LARS2: variants seen among roughly 807,000 people sequenced by gnomAD.
The protein encoded by LARS2 is leucine--tRNA ligase, mitochondrial.
In LARS2, 81 loss-of-function variants were observed where a neutral mutation model predicts 116.6. That is an observed-to-expected ratio of 0.69 (90% CI 0.58 to 0.84). LARS2 has a LOEUF of 0.84. Among genes scored for constraint, LARS2 ranks in the 40% least tolerant of loss-of-function variants. The pLI is 0.00. For synonymous variants in LARS2, 396 were observed against 407.2 expected, an observed-to-expected ratio of 0.97 and a Z score of 0.33; for missense variants, 968 against 1,114.5, an observed-to-expected ratio of 0.87 and a Z score of 1.87.
At chr3:45,430,000 C>A (rs1698666214) in intron 6 of LARS2, among the ~76,000 whole-genome samples, 1 of 74,326 alleles carries the variant, frequency 1.3e-5, no homozygotes, top group Non-Finnish European at 2.9e-5. Context: ...CCATGCCCAG[C>A]CTCTTTTTTT....
At chr3:45,389,843 C>T (rs1486188465) in intron 1 of LARS2, among the ~76,000 whole-genome samples, 4 of 152,178 alleles carry the variant, frequency 2.6e-5, no homozygotes, top group Admixed American at 2.0e-4. Context: ...GGCAGTCCAT[C>T]AGGGCTTTGG....
chr3:45,426,953 T>C (rs7631388), intron 6 of LARS2, among the ~76,000 whole-genome samples: 135,806 of 151,930 alleles, frequency 0.89, 62,632 homozygotes, highest in East Asian at 1. Context: ...AGGATCTTGG[T>C]TCGTCTTGGA....
intron 7 of LARS2, among the ~76,000 whole-genome samples, chr3:45,455,823 T>C (rs893236852): frequency 1.3e-5 from 2 of 151,972 alleles, no homozygotes; most frequent in Non-Finnish European, 2.9e-5. Flanking sequence ...CAAAAAACAA[T>C]AAAATTCTGT....
At chr3:45,462,384 A>T (rs183528683) in intron 8 of LARS2, among the ~76,000 whole-genome samples, 42 of 151,280 alleles carry the variant, frequency 2.8e-4, no homozygotes, top group Admixed American at 2.5e-3. Flanking sequence ...GGAGTTCAAG[A>T]CCAGCTTAGG....
At position 45,426,004 on chromosome 3, in the gene LARS2, T is replaced by C. The variant is rs553911874; in HGVS notation, c.516+6275T>C. Among the ~76,000 whole-genome samples, 79 of 152,040 alleles carry C rather than the reference T, an allele frequency of 5.2e-4. 2 individuals are homozygous for C. The South Asian group carries it at 1.0e-2, about 19-fold the overall frequency. On this transcript the variant is annotated intron_variant, in intron 6 of 21. Coordinates refer to ENST00000645846, the MANE Select transcript of LARS2 (RefSeq NM_015340.4). Reference sequence around the variant, plus strand: ...CCACTGTCATGTTGTTACAGTAGTTTAGGAGCAGTGCTCTCTTTCCATCCA... The same window carrying C: ...CCACTGTCATGTTGTTACAGTAGTTCAGGAGCAGTGCTCTCTTTCCATCCA...
chr3:45,430,029 T>TTTTTTTTA (rs1553629354), intron 6 of LARS2, among the ~76,000 whole-genome samples: 1 of 138,850 alleles, frequency 7.2e-6, no homozygotes, highest in African/African-American at 2.8e-5. Flanking sequence ...TTTTTTTTTT[T>TTTTTTTTA]GAGACAGAGT....
chr3:45,463,375 A>G (rs993179423), intron 8 of LARS2, among the ~76,000 whole-genome samples: 1 of 152,206 alleles, frequency 6.6e-6, no homozygotes, highest in East Asian at 1.9e-4. Context: ...GTCAACCCCC[A>G]TACCAAATTG....
At chr3:45,543,573 C>T (rs1700830513) in intron 21 of LARS2, among the ~76,000 whole-genome samples, 1 of 151,742 alleles carries the variant, frequency 6.6e-6, no homozygotes, top group African/African-American at 2.4e-5. Context: ...CAGCAATTCT[C>T]CTGCCTCAGC....
At chr3:45,407,964 A>AT (rs1251101314) in intron 4 of LARS2, among the ~76,000 whole-genome samples, 3 of 152,348 alleles carry the variant, frequency 2.0e-5, no homozygotes, top group African/African-American at 7.2e-5. Flanking sequence ...TCTTTTAAAA[A>AT]ATATATTTTA....
chr3:45,505,008 G>C (rs1038892605), intron 15 of LARS2, among the ~76,000 whole-genome samples: 1 of 151,732 alleles, frequency 6.6e-6, no homozygotes, highest in Admixed American at 6.6e-5. Context: ...TTGAACCTGG[G>C]AGGCGGAGGC....
At chr3:45,406,377 T>C (rs1051716637) in intron 4 of LARS2, among the ~76,000 whole-genome samples, 1 of 152,208 alleles carries the variant, frequency 6.6e-6, no homozygotes, top group African/African-American at 2.4e-5. Flanking sequence ...CAGGTAGTTC[T>C]GATGTAAGTG....
intron 20 of LARS2, among the ~76,000 whole-genome samples, chr3:45,539,103 G>A (rs917280932): frequency 3.1e-4 from 47 of 152,034 alleles, no homozygotes; most frequent in Non-Finnish European, 2.5e-4. Context: ...TCAACAAATT[G>A]GGTTTGGAAA....
rs2125671875 is a variant in LARS2, at chr3:45,394,425, T to G, written c.-21-8T>G. ...AGCTCATAGTGTGCTTTCTGCCCTC[T>G]TTTTCAGGGCCTTCTCACCTTCTGA... is the stretch of plus-strand genomic sequence containing the variant. On this transcript the variant is annotated splice_polypyrimidine_tract_variant and splice_region_variant and intron_variant, in intron 2 of 21. Transcript: ENST00000645846. The G allele has an allele frequency of 6.4e-7, 1 of 1,565,150 alleles. No individual in the cohort carries two copies. The highest frequency in any genetic ancestry group is 1.1e-5 in the South Asian group (1 of 89,910).
intron 3 of LARS2, among the ~76,000 whole-genome samples, chr3:45,396,173 T>G (rs1264070686): frequency 6.6e-6 from 1 of 152,212 alleles, no homozygotes; most frequent in Non-Finnish European, 1.5e-5. Flanking sequence ...ATAAATTGTT[T>G]TAGCAATTGG....
chr3:45,392,293 C>G (rs1162921849), intron 2 of LARS2, among the ~76,000 whole-genome samples: 2 of 149,252 alleles, frequency 1.3e-5, no homozygotes, highest in Admixed American at 6.7e-5. Flanking sequence ...AGAGAGATTT[C>G]TTTTTTATCT....
intron 15 of LARS2, among the ~76,000 whole-genome samples, chr3:45,505,225 T>G (rs1463274745): frequency 6.6e-6 from 1 of 151,998 alleles, no homozygotes; most frequent in East Asian, 1.9e-4. Flanking sequence ...CTCCAGAAGC[T>G]GAGATTGAGG....
chr3:45,537,697 C>T (rs1318168057), intron 20 of LARS2, among the ~76,000 whole-genome samples: 1 of 152,148 alleles, frequency 6.6e-6, no homozygotes, highest in Non-Finnish European at 1.5e-5. Context: ...CCTGACTCTT[C>T]CCCCCTGGTG....
At chr3:45,396,675 C>T (rs1380694442) in intron 3 of LARS2, among the ~76,000 whole-genome samples, 2 of 152,176 alleles carry the variant, frequency 1.3e-5, no homozygotes, top group Non-Finnish European at 2.9e-5. Flanking sequence ...AACCATGTGC[C>T]AGGCACTGTC....
intron 6 of LARS2, among the ~76,000 whole-genome samples, chr3:45,442,736 G>A (rs1446681915): frequency 6.6e-6 from 1 of 152,166 alleles, no homozygotes; most frequent in Non-Finnish European, 1.5e-5. Flanking sequence ...ACCCCCGATG[G>A]AGAAGGGCAA....
Sources: allele counts gnomAD v4.1 joint callset (sites outside exome capture counted in the v4.1 genomes callset), GRCh38; gene constraint gnomAD v4.1.1; transcripts MANE v1.5; gene names NCBI Gene and HGNC (gene_info 2026-07-23, HGNC 2026-07-21).